Variants in CEP57L1 observed in about 807,000 individuals in gnomAD.
CEP57L1 encodes centrosomal protein CEP57L1.
CEP57L1 carries 37 observed loss-of-function variants against 61.0 expected under a neutral mutation model. That is an observed-to-expected ratio of 0.61 (90% CI 0.47 to 0.80). The LOEUF (loss-of-function observed/expected upper bound fraction) is 0.80. Among genes scored for constraint, CEP57L1 ranks in the 30% least tolerant of loss-of-function variants. The pLI is 0.00. For missense variants in CEP57L1, 422 were observed against 524.7 expected, an observed-to-expected ratio of 0.80 and a Z score of 1.91; for synonymous variants, 137 against 162.3, an observed-to-expected ratio of 0.84 and a Z score of 1.19.
Position 109,163,728 on chromosome 6 carries a change from T to G in CEP57L1, c.*758T>G, listed in dbSNP as rs549141594. 6.6e-6 allele frequency: 1 copy of G among 152,144 alleles called. No homozygotes were observed. The highest frequency in any genetic ancestry group is 2.1e-4 in the South Asian group (1 of 4,828). 9.4% of individuals were successfully genotyped at this position (152,144 alleles called of 1,614,324 possible). A position where few individuals can be genotyped will look rare whatever the true frequency, so the allele number is the denominator to read the frequency against. On this transcript the variant is annotated 3_prime_UTR_variant, in exon 11 of 11. Coordinates refer to ENST00000517392, the MANE Select transcript of CEP57L1 (RefSeq NM_001271852.3). Reference sequence around the variant, plus strand: ...TGTGAATTTCTAGGACCCACAAAAGTGGTATTTTTTTTTTGTACAAGAAAG... The same window carrying G: ...TGTGAATTTCTAGGACCCACAAAAGGGGTATTTTTTTTTTGTACAAGAAAG...
At chr6:109,124,911 A>G (rs1430932406) in intron 1 of CEP57L1, 1 of 152,172 alleles carries the variant, frequency 6.6e-6, no homozygotes, top group East Asian at 1.9e-4. Context: ...TGTTTCAGGG[A>G]CTGCCTGGGG....
chr6:109,134,000 C>T (rs1342688405), intron 1 of CEP57L1, among the ~76,000 whole-genome samples: 2 of 152,168 alleles, frequency 1.3e-5, no homozygotes, highest in Non-Finnish European at 2.9e-5. Context: ...GGAGCTGGTA[C>T]CATTCCTTCT....
chr6:109,140,422 CAG>C (rs1428108113), intron 1 of CEP57L1: 4 of 108,826 alleles, frequency 3.7e-5, no homozygotes, highest in East Asian at 2.7e-4. Flanking sequence ...TTTTTTTAGA[CAG>C]AGTCTTTCTC....
chr6:109,115,872 G>A (rs1006955196), intron 1 of CEP57L1, among the ~76,000 whole-genome samples: 1 of 152,100 alleles, frequency 6.6e-6, no homozygotes, highest in Non-Finnish European at 1.5e-5. Flanking sequence ...AAGCTTGTAA[G>A]TGGTAATACT....
At position 109,166,291 on chromosome 6, in the gene CEP57L1, TCTTA is replaced by T. The variant is rs1174863916; in HGVS notation, c.*3325_*3328del. Among the ~76,000 whole-genome samples the T allele has an allele frequency of 9.2e-5, 14 of 152,306 alleles. No individual in the cohort carries two copies. The East Asian group carries it at 2.3e-3, about 25-fold the overall frequency. ...TATTTTTGAGCTTTTTTGGTAGCTT[TCTTA>T]CTTTATTCCTTTTTTTCTATACCTG... On this transcript the variant is annotated 3_prime_UTR_variant, in exon 11 of 11. Coordinates refer to ENST00000517392, the MANE Select transcript of CEP57L1 (RefSeq NM_001271852.3).
Position 109,102,208 on chromosome 6 carries a change from G to A in CEP57L1, c.-4+6633G>A, listed in dbSNP as rs889726647. On this transcript the variant is annotated intron_variant, in intron 1 of 10. Coordinates refer to ENST00000517392, the MANE Select transcript of CEP57L1 (RefSeq NM_001271852.3). Reference sequence around the variant, plus strand: ...ATTATTATTACTGTTGAGTGTTTTTGTTTTTTAGAGGCAGGGTCTCCCTAG... The same window carrying A: ...ATTATTATTACTGTTGAGTGTTTTTATTTTTTAGAGGCAGGGTCTCCCTAG... 2.0e-5 allele frequency among the ~76,000 whole-genome samples: 3 copies of A among 152,128 alleles called. No homozygotes were observed. The East Asian group carries it at 5.8e-4, about 29-fold the overall frequency.
At chr6:109,112,308 C>T (rs1771749615) in intron 1 of CEP57L1, among the ~76,000 whole-genome samples, 2 of 152,112 alleles carry the variant, frequency 1.3e-5, no homozygotes, top group Admixed American at 1.3e-4. Context: ...AGTTTATTTA[C>T]GTAGAGGTGT....
intron 3 of CEP57L1, among the ~76,000 whole-genome samples, chr6:109,149,427 G>T (rs1772333072): frequency 6.6e-6 from 1 of 152,160 alleles, no homozygotes; most frequent in South Asian, 2.1e-4. Context: ...TCAGATGGTT[G>T]TAGATATGCG....
intron 4 of CEP57L1, 116 bp downstream of exon 4, chr6:109,150,355 C>T (rs1215132947): frequency 7.3e-6 from 9 of 1,228,036 alleles, no homozygotes; most frequent in Non-Finnish European, 8.0e-6. Context: ...TGAGGTCTAA[C>T]TTACGTGTAA....
At chr6:109,150,661 CAAAA>C (rs751693443) in intron 4 of CEP57L1, among the ~76,000 whole-genome samples, 2 of 59,816 alleles carry the variant, frequency 3.3e-5, no homozygotes, top group Non-Finnish European at 3.6e-5. Context: ...GACTCTGTCT[CAAAA>C]AAAAAAAAAA....
chr6:109,161,252 C>T (rs1773694318), intron 10 of CEP57L1, among the ~76,000 whole-genome samples: 1 of 152,140 alleles, frequency 6.6e-6, no homozygotes, highest in Non-Finnish European at 1.5e-5. Flanking sequence ...AAACTCTGCA[C>T]TTGTATGTTA....
intron 7 of CEP57L1, chr6:109,157,219 T>C (rs1773300693): frequency 6.6e-6 from 1 of 152,140 alleles, no homozygotes; most frequent in Non-Finnish European, 1.5e-5. Flanking sequence ...CAAATAATGA[T>C]GTCTCTTTTT....
At chr6:109,118,110 A>G (rs981513659) in intron 1 of CEP57L1, among the ~76,000 whole-genome samples, 1 of 152,206 alleles carries the variant, frequency 6.6e-6, no homozygotes, top group Non-Finnish European at 1.5e-5. Flanking sequence ...GTCTCGGCTC[A>G]CTGCAACCTC....
At chr6:109,121,059 G>C (rs1485549702) in intron 1 of CEP57L1, among the ~76,000 whole-genome samples, 1 of 152,048 alleles carries the variant, frequency 6.6e-6, no homozygotes, top group African/African-American at 2.4e-5. Flanking sequence ...AGTCAGATTA[G>C]AATTTTTATA....
At chr6:109,108,537 C>G (rs190703754) in intron 1 of CEP57L1, among the ~76,000 whole-genome samples, 1 of 152,094 alleles carries the variant, frequency 6.6e-6, no homozygotes, top group Non-Finnish European at 1.5e-5. Flanking sequence ...TTTTGTTTGA[C>G]TTAATTGCAT....
At chr6:109,106,976 A>G (rs750122542) in intron 1 of CEP57L1, among the ~76,000 whole-genome samples, 7 of 152,194 alleles carry the variant, frequency 4.6e-5, no homozygotes, top group Non-Finnish European at 7.3e-5. Context: ...TTTGGTTAAC[A>G]TGTACGTATA....
Position 109,166,350 on chromosome 6 carries a change from A to T in CEP57L1, c.*3380A>T, listed in dbSNP as rs780288740. ...TAGATGTGAGAGCTTTTCTTACTTT[A>T]AAAGTGTAATTTTAACTATAAATGT... is the stretch of plus-strand genomic sequence containing the variant. On this transcript the variant is annotated 3_prime_UTR_variant, in exon 11 of 11. Transcript: ENST00000517392. Among the ~76,000 whole-genome samples the T allele has an allele frequency of 4.5e-4, 68 of 151,738 alleles. 1 individual carries two copies. The highest frequency in any genetic ancestry group is 8.8e-4 in the Non-Finnish European group (60 of 67,882).
intron 1 of CEP57L1, among the ~76,000 whole-genome samples, chr6:109,097,962 T>C (rs1781911345): frequency 6.6e-6 from 1 of 152,124 alleles, no homozygotes; most frequent in Non-Finnish European, 1.5e-5. Context: ...TGGAGCACAA[T>C]GAGTACAAAG....
In CEP57L1 at chr6:109,159,259, C is replaced by T; in HGVS notation, c.823-10C>T. The T allele has an allele frequency of 6.2e-7, 1 of 1,614,048 alleles. No homozygotes were observed. Among genetic ancestry groups the T allele is most frequent in the Non-Finnish European group, 8.5e-7 (1 of 1,179,962 alleles). On this transcript the variant is annotated splice_polypyrimidine_tract_variant and intron_variant, in intron 8 of 10. Coordinates refer to ENST00000517392, the MANE Select transcript of CEP57L1 (RefSeq NM_001271852.3). ...GTTCTGTGAATGCAAGTATGCAAAA[C>T]TTTTTGCAGATGAGGCAACATCGTG...
Sources: allele counts gnomAD v4.1 joint callset (sites outside exome capture counted in the v4.1 genomes callset), GRCh38; gene constraint gnomAD v4.1.1; transcripts MANE v1.5; gene names NCBI Gene and HGNC (gene_info 2026-07-23, HGNC 2026-07-21).